The following PPP2R2B variants were observed in gnomAD, a reference collection of about 807,000 sequenced individuals.
PPP2R2B encodes serine/threonine-protein phosphatase 2A 55 kDa regulatory subunit B beta isoform.
A neutral mutation model predicts 46.0 loss-of-function variants in PPP2R2B; 5 were observed. The ratio of observed to expected loss-of-function variants is 0.11; its 90% CI spans 0.06 to 0.23. The LOEUF (loss-of-function observed/expected upper bound fraction) is 0.23, where lower values mean the gene tolerates loss of function less well. PPP2R2B is among the 10% of genes least tolerant of loss of function. The pLI is 1.00. For synonymous variants in PPP2R2B, 215 were observed against 206.7 expected (o/e 1.04, Z -0.34); for missense variants, 367 against 575.0 (o/e 0.64, Z 3.70).
At chr5:147,033,834 G>A (rs182526677) in intron 1 of PPP2R2B, among the ~76,000 whole-genome samples, 1 of 152,026 alleles carries the variant, frequency 6.6e-6, no homozygotes, top group African/African-American at 2.4e-5. Flanking sequence ...CCAAGCCTCT[G>A]TCCTTTCTTG....
At position 146,692,816 on chromosome 5, in the gene PPP2R2B, G is replaced by A. The variant is rs566730714; in HGVS notation, c.335-1576C>T. Among the ~76,000 whole-genome samples the A allele has an allele frequency of 8.5e-5, 13 of 152,166 alleles. No individual in the cohort carries two copies. The East Asian group carries it at 2.3e-3, about 27-fold the overall frequency. On this transcript the variant is annotated intron_variant, in intron 4 of 9. Transcript: ENST00000394411. ...CCCAAAGTGCTGGGATTACAGGCGG[G>A]AGCCACCACACCCGGCCTAATTCAA...
At chr5:146,597,182 A>G (rs1771256469) in intron 8 of PPP2R2B, among the ~76,000 whole-genome samples, 1 of 152,124 alleles carries the variant, frequency 6.6e-6, no homozygotes, top group African/African-American at 2.4e-5. Flanking sequence ...GCAAGTTTGT[A>G]TCTCTGTCTC....
chr5:146,892,301 A>G (rs1399483838), intron 1 of PPP2R2B, among the ~76,000 whole-genome samples: 1 of 152,174 alleles, frequency 6.6e-6, no homozygotes, highest in Admixed American at 6.5e-5. Flanking sequence ...CATGCCACAC[A>G]GGGGGATCAA....
chr5:146,879,419 T>C (rs1290901807), upstream of PPP2R2B, among the ~76,000 whole-genome samples: 2 of 152,136 alleles, frequency 1.3e-5, no homozygotes, highest in Non-Finnish European at 2.9e-5. Flanking sequence ...AAAAGTCCAC[T>C]CTCCCTTGCA....
At chr5:146,839,538 T>C (rs1445968607) in intron 2 of PPP2R2B, among the ~76,000 whole-genome samples, 1 of 152,150 alleles carries the variant, frequency 6.6e-6, no homozygotes, top group Non-Finnish European at 1.5e-5. Flanking sequence ...GTAAAATGTA[T>C]ATGCAATTTC....
At chr5:147,000,481 C>T (rs1463336351) in intron 1 of PPP2R2B, among the ~76,000 whole-genome samples, 2 of 151,898 alleles carry the variant, frequency 1.3e-5, no homozygotes, top group African/African-American at 4.8e-5. Context: ...GTTGCTAAGC[C>T]TCTCTGGGCC....
rs1769928009 is a variant in PPP2R2B at position 146,582,206 on chromosome 5, C to G, written c.*7741G>C. The G allele has an allele frequency of 6.6e-6, 1 of 152,196 alleles. No homozygotes were observed. Among genetic ancestry groups the G allele is most frequent in the South Asian group, 2.1e-4 (1 of 4,828 alleles). The allele number at this position is 152,196 out of a possible 1,614,324, so 9.4% of individuals were successfully genotyped here. On this transcript the variant is annotated 3_prime_UTR_variant, in exon 10 of 10. Coordinates refer to ENST00000394411, the MANE Select transcript of PPP2R2B (RefSeq NM_181675.4). ...TAAGAACATCTAGGGGAAGGTTTGT[C>G]TCACCTCTTGTTTCCAAGTGGGAGG... is the stretch of plus-strand genomic sequence containing the variant.
intron 7 of PPP2R2B, 28 bp from the exon 8 acceptor site, chr5:146,600,488 A>AT: frequency 6.2e-7 from 1 of 1,610,384 alleles, no homozygotes; most frequent in Non-Finnish European, 8.5e-7. Flanking sequence ...AACAAGACAA[A>AT]TTTAGCAATC....
rs1554084680 is a variant in PPP2R2B at position 147,009,898 on chromosome 5, C to CATAT, written c.79+45763_79+45766dup. Among the ~76,000 whole-genome samples the CATAT allele has an allele frequency of 4.9e-3, 720 of 145,606 alleles. 7 individuals are homozygous for CATAT. Among genetic ancestry groups the CATAT allele is most frequent in the African/African-American group, 0.017 (668 of 38,916 alleles). On this transcript the variant is annotated intron_variant, in intron 1 of 8. Coordinates refer to the PPP2R2B transcript ENST00000336640. ...ACACACACACACACACACACACACA[C>CATAT]ATATATATATAGGACCTGGAGATAA...
At chr5:146,697,448 A>T (rs1259213514) in intron 4 of PPP2R2B, among the ~76,000 whole-genome samples, 2 of 152,224 alleles carry the variant, frequency 1.3e-5, no homozygotes, top group Non-Finnish European at 2.9e-5. Context: ...TTAAGTATGG[A>T]GGGAGATAGG....
At chr5:146,882,473 T>C (rs889620896), upstream of PPP2R2B, among the ~76,000 whole-genome samples, 1 of 152,238 alleles carries the variant, frequency 6.6e-6, no homozygotes, top group Non-Finnish European at 1.5e-5. Context: ...TCACTTATTT[T>C]TCTGTCCTCA....
intron 9 of PPP2R2B, among the ~76,000 whole-genome samples, chr5:146,590,941 T>TGGTTTCCACATTTTTATAA (rs58873710): frequency 0.026 from 3,887 of 152,264 alleles, 160 homozygotes; most frequent in African/African-American, 0.089. Context: ...AATGGACAGA[T>TGGTTTCCACATTTTTATAA]GGTTTCCACA....
chr5:146,814,756 A>AC (rs1370857593), intron 2 of PPP2R2B, among the ~76,000 whole-genome samples: 1 of 152,202 alleles, frequency 6.6e-6, no homozygotes, highest in Non-Finnish European at 1.5e-5. Flanking sequence ...CAGACAGCCC[A>AC]CCCCAAGGGA....
intron 2 of PPP2R2B, among the ~76,000 whole-genome samples, chr5:146,735,235 T>C (rs1752466925): frequency 6.6e-6 from 1 of 152,162 alleles, no homozygotes; most frequent in Non-Finnish European, 1.5e-5. Context: ...ATTTAGATCA[T>C]TTAAATCCCA....
At chr5:147,079,923 A>T (rs1324909388) in intron 2 of PPP2R2B, among the ~76,000 whole-genome samples, 1 of 152,180 alleles carries the variant, frequency 6.6e-6, no homozygotes, top group East Asian at 1.9e-4. Flanking sequence ...CAATATACAC[A>T]TATCAAAACA....
intron 1 of PPP2R2B, among the ~76,000 whole-genome samples, chr5:146,990,515 C>T (rs1753648933): frequency 6.6e-6 from 1 of 152,020 alleles, no homozygotes; most frequent in Non-Finnish European, 1.5e-5. Context: ...TAGATAGTCA[C>T]ATGAAGAAGA....
At chr5:146,720,931 T>C (rs560505310) in intron 2 of PPP2R2B, among the ~76,000 whole-genome samples, 1 of 152,336 alleles carries the variant, frequency 6.6e-6, no homozygotes, top group African/African-American at 2.4e-5. Context: ...CTTGAGACTT[T>C]TCATGATAAA....
intron 2 of PPP2R2B, among the ~76,000 whole-genome samples, chr5:146,714,991 C>A (rs1581937232): frequency 6.6e-6 from 1 of 152,302 alleles, no homozygotes; most frequent in Middle Eastern, 3.4e-3. Context: ...CTCATATACA[C>A]TTTAAAGTGA....
At chr5:146,671,117 A>G (rs1777336421) in intron 5 of PPP2R2B, among the ~76,000 whole-genome samples, 1 of 152,156 alleles carries the variant, frequency 6.6e-6, no homozygotes, top group Non-Finnish European at 1.5e-5. Flanking sequence ...AGGAGGGAAT[A>G]ACTTCCTCAA....
Sources: allele counts gnomAD v4.1 joint callset (sites outside exome capture counted in the v4.1 genomes callset), GRCh38; gene constraint gnomAD v4.1.1; transcripts MANE v1.5; gene names NCBI Gene and HGNC (gene_info 2026-07-23, HGNC 2026-07-21).